Variants in CAV1 observed in about 807,000 individuals in gnomAD.
The protein encoded by CAV1 is caveolin-1.
In CAV1, 10 loss-of-function variants were observed where a neutral mutation model predicts 16.5. The ratio of observed to expected loss-of-function variants is 0.61; its 90% CI spans 0.37 to 1.03. The LOEUF (loss-of-function observed/expected upper bound fraction) is 1.03, where lower values mean the gene tolerates loss of function less well. CAV1 is among the 50% of genes least tolerant of loss of function. CAV1 has a pLI of 0.01. For synonymous variants in CAV1, 76 were observed against 85.1 expected (o/e 0.89, Z 0.59); for missense variants, 212 against 232.8 (o/e 0.91, Z 0.58).
chr7:116,546,702 A>AAAAAAAATAAATAAAAT (rs1554356428), intron 2 of CAV1, among the ~76,000 whole-genome samples: 1 of 142,952 alleles, frequency 7.0e-6, no homozygotes, highest in African/African-American at 2.6e-5. Context: ...TGTCACAAAA[A>AAAAAAAATAAATAAAAT]AAAAAAAAAA....
At chr7:116,526,219 C>T (rs1793554727) in intron 1 of CAV1, 2 of 996,844 alleles carry the variant, frequency 2.0e-6, no homozygotes, top group Non-Finnish European at 2.4e-6. Context: ...CGTGCGCGGG[C>T]GGGGGCCTTC....
intron 2 of CAV1, among the ~76,000 whole-genome samples, chr7:116,558,622 A>G (rs867925566): frequency 1.3e-5 from 2 of 151,372 alleles, no homozygotes; most frequent in African/African-American, 4.8e-5. Context: ...GTGTGGTGGC[A>G]TGAACCTGTG....
At position 116,533,334 on chromosome 7, in the gene CAV1, C is replaced by T. The variant is rs868093974; in HGVS notation, c.195+6645C>T. 4.7e-4 allele frequency among the ~76,000 whole-genome samples: 35 copies of T among 74,032 alleles called. No individual in the cohort carries two copies. The South Asian group carries it at 7.2e-3, about 15-fold the overall frequency. The allele number at this position is 74,032 out of a possible 152,430, so 48.6% of individuals were successfully genotyped here. A position where few individuals can be genotyped will look rare whatever the true frequency, so the allele number is the denominator to read the frequency against. On this transcript the variant is annotated intron_variant, in intron 2 of 2. Coordinates refer to ENST00000341049, the MANE Select transcript of CAV1 (RefSeq NM_001753.5). Reference sequence around the variant, plus strand: ...GCCTGGTGACACAGCGAGACTCCGTCTCAAAAAATAAAATAAATAAAATAA... The same window carrying T: ...GCCTGGTGACACAGCGAGACTCCGTTTCAAAAAATAAAATAAATAAAATAA...
chr7:116,541,768 A>C (rs2116018014), intron 2 of CAV1, among the ~76,000 whole-genome samples: 1 of 152,196 alleles, frequency 6.6e-6, no homozygotes, highest in Non-Finnish European at 1.5e-5. Flanking sequence ...AAAAAAAAAA[A>C]AAAAGTGTTA....
chr7:116,534,369 A>G (rs1160876319), intron 2 of CAV1, among the ~76,000 whole-genome samples: 1 of 14,172 alleles, frequency 7.1e-5, no homozygotes, highest in African/African-American at 1.7e-4. Context: ...TCAGATATAT[A>G]TATATATATA....
chr7:116,543,611 T>G (rs891950413), intron 2 of CAV1, among the ~76,000 whole-genome samples: 14 of 152,094 alleles, frequency 9.2e-5, no homozygotes, highest in Non-Finnish European at 1.5e-4. Flanking sequence ...CAGGTTTGGG[T>G]TTTGTTTTGT....
At chr7:116,555,761 T>C (rs1794283554) in intron 2 of CAV1, among the ~76,000 whole-genome samples, 1 of 151,918 alleles carries the variant, frequency 6.6e-6, no homozygotes, top group Non-Finnish European at 1.5e-5. Flanking sequence ...CATATTGCTA[T>C]GCTCTGCACC....
intron 2 of CAV1, among the ~76,000 whole-genome samples, chr7:116,553,227 T>G (rs1794198539): frequency 6.6e-6 from 1 of 152,118 alleles, no homozygotes; most frequent in Admixed American, 6.6e-5. Flanking sequence ...AAATATTGCC[T>G]TCAGATACAT....
At chr7:116,535,396 T>A (rs1246196856) in intron 2 of CAV1, among the ~76,000 whole-genome samples, 1 of 152,224 alleles carries the variant, frequency 6.6e-6, no homozygotes, top group Non-Finnish European at 1.5e-5. Context: ...ATCCCTTATG[T>A]TCCAATCTAC....
chr7:116,558,542 G>A (rs932943473), intron 2 of CAV1, among the ~76,000 whole-genome samples: 21 of 150,168 alleles, frequency 1.4e-4, no homozygotes, highest in African/African-American at 4.2e-4. Context: ...GATCTCAGGC[G>A]TTCAAGACCA....
intron 2 of CAV1, among the ~76,000 whole-genome samples, chr7:116,529,899 C>T (rs992828940): frequency 1.6e-4 from 24 of 152,166 alleles, no homozygotes; most frequent in African/African-American, 5.6e-4. Flanking sequence ...TCTGAGATTT[C>T]TGTGTCATCT....
intron 2 of CAV1, among the ~76,000 whole-genome samples, chr7:116,550,304 T>C (rs894514074): frequency 5.3e-5 from 8 of 152,158 alleles, no homozygotes; most frequent in African/African-American, 1.7e-4. Flanking sequence ...GGTTACTTAG[T>C]ATCTGTCACC....
At chr7:116,539,886 T>C (rs1793901868) in intron 2 of CAV1, among the ~76,000 whole-genome samples, 1 of 152,156 alleles carries the variant, frequency 6.6e-6, no homozygotes, top group Admixed American at 6.5e-5. Context: ...GGGGTGGGTC[T>C]CTGGCTACAG....
At chr7:116,555,604 G>GAAAGAGAA (rs762624343) in intron 2 of CAV1, among the ~76,000 whole-genome samples, 1 of 73,368 alleles carries the variant, frequency 1.4e-5, no homozygotes, top group African/African-American at 6.2e-5. Context: ...AAGAAAGAAA[G>GAAAGAGAA]AGAAAGAAAG....
chr7:116,554,862 A>G (rs1413145789), intron 2 of CAV1, among the ~76,000 whole-genome samples: 1 of 152,168 alleles, frequency 6.6e-6, no homozygotes, highest in Non-Finnish European at 1.5e-5. Context: ...CAAATAAGAC[A>G]ATTGTAAAGG....
At chr7:116,525,745 C>T in intron 1 of CAV1, 1 of 1,054,796 alleles carries the variant, frequency 9.5e-7, no homozygotes, top group South Asian at 3.6e-5. Flanking sequence ...ACGTAGCTGC[C>T]CTTCAGCCAC....
At chr7:116,532,796 C>T (rs55930206) in intron 2 of CAV1, among the ~76,000 whole-genome samples, 16,338 of 152,052 alleles carry the variant, frequency 0.11, 1,117 homozygotes, top group East Asian at 0.17. Context: ...AAGTAAAGAC[C>T]GACACAAAAT....
At chr7:116,545,845 A>G (rs948072177) in intron 2 of CAV1, among the ~76,000 whole-genome samples, 4 of 152,250 alleles carry the variant, frequency 2.6e-5, no homozygotes, top group Admixed American at 2.6e-4. Context: ...TGACATGCCC[A>G]GAAGGTTGAA....
intron 2 of CAV1, 21 bp downstream of exon 2, chr7:116,526,710 G>A (rs1177692066): frequency 1.5e-5 from 24 of 1,613,628 alleles, no homozygotes; most frequent in Non-Finnish European, 2.0e-5. Context: ...GCGACCAACA[G>A]GGAAGGGCTG....
Sources: gnomAD v4.1 joint callset for allele counts (sites outside exome capture counted in the v4.1 genomes callset) on GRCh38, gnomAD v4.1.1 for gene constraint, MANE v1.5 for transcripts, NCBI Gene and HGNC (gene_info 2026-07-23, HGNC 2026-07-21) for gene names.